Variants in GPR176 observed in about 807,000 individuals in gnomAD.
GPR176 encodes the protein G protein-coupled receptor 176, also known as G-protein coupled receptor 176.
A neutral mutation model predicts 35.4 loss-of-function variants in GPR176; 26 were observed. The ratio of observed to expected loss-of-function variants is 0.74; its 90% confidence interval spans 0.54 to 1.02. GPR176 has a LOEUF of 1.02. GPR176 is among the 50% of genes least tolerant of loss of function. The probability of loss-of-function intolerance (pLI) is 0.00; values close to 1 mark genes in which losing one functional copy is unlikely to be tolerated. For missense variants in GPR176, 597 were observed against 665.3 expected (o/e 0.90, Z 1.13); for synonymous variants, 278 against 271.3 (o/e 1.02, Z -0.24).
Position 39,801,914 on chromosome 15 carries a change from A to G in GPR176, c.766T>C (p.Tyr256His). ...AGCTCGGCCTCCCGCTGGGAGGCAT[A>G]GGGAATAGAGATGGTGTTCTGTGGG... is the stretch of plus-strand genomic sequence containing the variant. ...RTPQNTISIP[Y>H]ASQREAELHA... Residue 256 changes from tyrosine to histidine, a missense_variant, in exon 3 of 3, where the codon TAT (tyrosine) becomes CAT (histidine). By Grantham distance (83) the Tyr-to-His change is moderately conservative. Coordinates refer to ENST00000561100, the MANE Select transcript of GPR176 (RefSeq NM_007223.3). 1 of 1,614,030 alleles carries G rather than the reference A, an allele frequency of 6.2e-7. No homozygotes were observed. Among genetic ancestry groups the G allele is most frequent in the Non-Finnish European group, 8.5e-7 (1 of 1,179,954 alleles).
intron 1 of GPR176, among the ~76,000 whole-genome samples, chr15:39,831,090 C>T (rs1478046871): frequency 6.6e-6 from 1 of 152,122 alleles, no homozygotes; most frequent in Non-Finnish European, 1.5e-5. Context: ...AACGGGGGAA[C>T]CTTTTGGAGA....
intron 1 of GPR176, among the ~76,000 whole-genome samples, chr15:39,817,969 A>G (rs1175104148): frequency 6.6e-6 from 1 of 152,244 alleles, no homozygotes; most frequent in East Asian, 1.9e-4. Flanking sequence ...ATCTATGCAG[A>G]TACATTTTCC....
intron 1 of GPR176, among the ~76,000 whole-genome samples, chr15:39,838,492 G>A (rs1188033977): frequency 3.9e-5 from 6 of 152,024 alleles, no homozygotes; most frequent in Non-Finnish European, 7.4e-5. Flanking sequence ...TTAATAAAAC[G>A]TGAAGTTTTA....
intron 1 of GPR176, among the ~76,000 whole-genome samples, chr15:39,871,720 T>C (rs1223727919): frequency 6.6e-6 from 1 of 152,050 alleles, no homozygotes; most frequent in Non-Finnish European, 1.5e-5. Flanking sequence ...AACTCAAGAG[T>C]ATCTGCACGA....
chr15:39,905,544 A>G (rs527604355), intron 1 of GPR176, among the ~76,000 whole-genome samples: 2 of 152,318 alleles, frequency 1.3e-5, no homozygotes, highest in South Asian at 4.1e-4. Flanking sequence ...CAGTGAACCA[A>G]GATCATGCCA....
intron 1 of GPR176, among the ~76,000 whole-genome samples, chr15:39,810,847 A>T (rs1899500451): frequency 6.6e-6 from 1 of 152,364 alleles, no homozygotes; most frequent in East Asian, 1.9e-4. Context: ...TTGTGATGCA[A>T]GAGGAAAGTT....
At chr15:39,861,088 C>T (rs895246340) in intron 1 of GPR176, among the ~76,000 whole-genome samples, 4 of 152,098 alleles carry the variant, frequency 2.6e-5, no homozygotes, top group African/African-American at 9.7e-5. Context: ...CTAGAGTTAA[C>T]AAACTCTAGA....
intron 1 of GPR176, among the ~76,000 whole-genome samples, chr15:39,903,907 G>A (rs1392547219): frequency 6.6e-6 from 1 of 152,134 alleles, no homozygotes; most frequent in Non-Finnish European, 1.5e-5. Context: ...GAAAATAAAA[G>A]AATAAAAGGA....
chr15:39,842,800 C>G (rs541233713), intron 1 of GPR176, among the ~76,000 whole-genome samples: 19 of 152,134 alleles, frequency 1.2e-4, no homozygotes, highest in African/African-American at 4.6e-4. Context: ...GTTATAGCAG[C>G]CTGAATGGAC....
Position 39,820,957 on chromosome 15 carries a change from C to T in GPR176, c.173-13699G>A, listed in dbSNP as rs150021397. 2.7e-3 allele frequency among the ~76,000 whole-genome samples: 411 copies of T among 152,318 alleles called. 3 individuals are homozygous for T. The highest frequency in any genetic ancestry group is 9.5e-3 in the African/African-American group (394 of 41,568). ...CGGAGACTTTCTGTGCCTGAATCTT[C>T]ATTAGTCACGTTGCTGAAAACTGGA... On this transcript the variant is annotated intron_variant, in intron 1 of 2. Coordinates refer to ENST00000561100, the MANE Select transcript of GPR176 (RefSeq NM_007223.3).
chr15:39,887,120 G>A (rs1457588590), intron 1 of GPR176, among the ~76,000 whole-genome samples: 1 of 152,198 alleles, frequency 6.6e-6, no homozygotes, highest in Non-Finnish European at 1.5e-5. Flanking sequence ...CTGTGGTTCA[G>A]TAGATTGGGA....
In GPR176 at chr15:39,799,643, C is replaced by T. The variant is rs1898736125; in HGVS notation, c.*1489G>A. 1 of 152,262 alleles carries T rather than the reference C, an allele frequency of 6.6e-6. No homozygotes were observed. Among genetic ancestry groups the T allele is most frequent in the South Asian group, 2.1e-4 (1 of 4,830 alleles). The allele number at this position is 152,262 out of a possible 1,614,324, so 9.4% of individuals were successfully genotyped here. A position where few individuals can be genotyped will look rare whatever the true frequency, so the allele number is the denominator to read the frequency against. On this transcript the variant is annotated 3_prime_UTR_variant, in exon 3 of 3. Transcript: ENST00000561100. ...GTTTGCTGGTGAGGACACCCACTTC[C>T]CTTCAAGCTTGCTCAAGGCACCAGA...
At chr15:39,894,963 C>T (rs895599983) in intron 1 of GPR176, among the ~76,000 whole-genome samples, 16 of 152,260 alleles carry the variant, frequency 1.1e-4, no homozygotes, top group Admixed American at 3.3e-4. Flanking sequence ...GTGAACGAGA[C>T]TCCGTCTGCA....
At chr15:39,844,699 C>G (rs435224) in intron 1 of GPR176, among the ~76,000 whole-genome samples, 143,325 of 152,066 alleles carry the variant, frequency 0.94, 67,832 homozygotes, top group Middle Eastern at 0.99. Flanking sequence ...CCTTACAGAG[C>G]ACACGTTCTA....
At chr15:39,842,902 G>A (rs985388854) in intron 1 of GPR176, among the ~76,000 whole-genome samples, 2 of 152,108 alleles carry the variant, frequency 1.3e-5, no homozygotes, top group Non-Finnish European at 2.9e-5. Context: ...GACAGGACTT[G>A]CCTAGGACAG....
chr15:39,873,877 G>A (rs1013545997), intron 1 of GPR176, among the ~76,000 whole-genome samples: 1 of 152,038 alleles, frequency 6.6e-6, no homozygotes, highest in Admixed American at 6.6e-5. Flanking sequence ...TACAAAGTCA[G>A]ATGGTGAAAT....
rs1204361041 is a variant in GPR176 at position 39,829,067 on chromosome 15, G to A, written c.173-21809C>T. The stretch of plus-strand genomic sequence containing the variant: ...TTAAAAATAAGGAAATTGAGGCACT[G>A]AAAGGTTAATTACCCAAAGTTCTAG... On this transcript the variant is annotated intron_variant, in intron 1 of 2. Coordinates refer to ENST00000561100, the MANE Select transcript of GPR176 (RefSeq NM_007223.3). The A allele has an allele frequency of 4.4e-6, 4 of 909,028 alleles. 1 individual carries two copies. Among genetic ancestry groups the A allele is most frequent in the African/African-American group, 1.6e-5 (1 of 60,784 alleles). The allele number at this position is 909,028 out of a possible 1,614,324, so 56.3% of individuals were successfully genotyped here. A position where few individuals can be genotyped will look rare whatever the true frequency, so the allele number is the denominator to read the frequency against.
intron 1 of GPR176, among the ~76,000 whole-genome samples, chr15:39,860,538 C>T (rs921977296): frequency 6.6e-6 from 1 of 152,184 alleles, no homozygotes; most frequent in African/African-American, 2.4e-5. Flanking sequence ...CCTCTGTTAG[C>T]TGTAATTTTA....
At chr15:39,903,435 C>G (rs900655925) in intron 1 of GPR176, among the ~76,000 whole-genome samples, 12 of 152,062 alleles carry the variant, frequency 7.9e-5, no homozygotes, top group Admixed American at 7.2e-4. Context: ...TTTATAAGCT[C>G]TCTTTAAAAA....
Sources: allele counts gnomAD v4.1 joint callset (sites outside exome capture counted in the v4.1 genomes callset), GRCh38; gene constraint gnomAD v4.1.1; transcripts MANE v1.5; gene names NCBI Gene and HGNC (gene_info 2026-07-23, HGNC 2026-07-21).